PLCXD2: variants seen among roughly 807,000 people sequenced by gnomAD.
PLCXD2 encodes PI-PLC X domain-containing protein 2.
A neutral mutation model predicts 28.6 loss-of-function variants in PLCXD2; 21 were observed. That is an observed-to-expected ratio of 0.73 (90% CI 0.52 to 1.06). The LOEUF (loss-of-function observed/expected upper bound fraction) is 1.06, where lower values mean the gene tolerates loss of function less well. Among genes scored for constraint, PLCXD2 ranks in the 50% least tolerant of loss-of-function variants. The pLI is 0.00. For missense variants in PLCXD2, 369 were observed against 376.7 expected, an observed-to-expected ratio of 0.98 and a Z score of 0.17; for synonymous variants, 140 against 150.1, an observed-to-expected ratio of 0.93 and a Z score of 0.49.
chr3:111,712,357 C>A (rs1276986324), intron 2 of PLCXD2, among the ~76,000 whole-genome samples: 1 of 152,196 alleles, frequency 6.6e-6, no homozygotes, highest in African/African-American at 2.4e-5. Flanking sequence ...TGCACCGCCT[C>A]CCACCTCTCC....
intron 1 of PLCXD2, among the ~76,000 whole-genome samples, chr3:111,679,929 C>T (rs1940687124): frequency 6.6e-6 from 1 of 152,090 alleles, no homozygotes; most frequent in Admixed American, 6.5e-5. Context: ...ATTTCTTGTT[C>T]CCCTCTTTGC....
At chr3:111,706,912 C>T (rs1941127705) in intron 1 of PLCXD2, among the ~76,000 whole-genome samples, 2 of 151,646 alleles carry the variant, frequency 1.3e-5, no homozygotes, top group South Asian at 2.1e-4. Context: ...ATTTATACAC[C>T]TAACACCAGA....
chr3:111,693,917 A>T (rs547928300), intron 1 of PLCXD2, among the ~76,000 whole-genome samples: 1 of 152,344 alleles, frequency 6.6e-6, no homozygotes, highest in African/African-American at 2.4e-5. Context: ...AGGTCCACAG[A>T]GCAGAGCCCC....
chr3:111,701,811 G>A (rs889217803), intron 1 of PLCXD2, among the ~76,000 whole-genome samples: 9 of 152,014 alleles, frequency 5.9e-5, no homozygotes, highest in Admixed American at 6.6e-5. Context: ...AAATGAAGAC[G>A]GTGAGAGAGA....
Position 111,675,066 on chromosome 3 carries a change from T to G in PLCXD2, c.-180T>G. The G allele has an allele frequency of 1.6e-6, 1 of 636,598 alleles. No homozygotes were observed. The allele number at this position is 636,598 out of a possible 1,614,324, so 39.4% of individuals were successfully genotyped here. Reference sequence around the variant, plus strand: ...GGAGCGGAGGCTGGGCCGGAGAGAGTGGGGACTGTGAGTGCTAGTGGGTAA... The same window carrying G: ...GGAGCGGAGGCTGGGCCGGAGAGAGGGGGGACTGTGAGTGCTAGTGGGTAA... On this transcript the variant is annotated 5_prime_UTR_variant, in exon 1 of 5. Transcript: ENST00000477665.
At chr3:111,719,462 C>A (rs996408353) in intron 3 of PLCXD2, among the ~76,000 whole-genome samples, 1 of 151,898 alleles carries the variant, frequency 6.6e-6, no homozygotes, top group Non-Finnish European at 1.5e-5. Flanking sequence ...TCATAATATC[C>A]AAAAAACTGG....
At chr3:111,705,577 A>AC (rs373105799) in intron 1 of PLCXD2, among the ~76,000 whole-genome samples, 356 of 151,568 alleles carry the variant, frequency 2.3e-3, no homozygotes, top group African/African-American at 8.2e-3. Context: ...TTTTTTCAGC[A>AC]CCCCCCATAC....
At chr3:111,697,122 CTATAACT>C (rs1036789633) in intron 1 of PLCXD2, among the ~76,000 whole-genome samples, 7 of 152,020 alleles carry the variant, frequency 4.6e-5, no homozygotes, top group Non-Finnish European at 1.0e-4. Context: ...CAAACATTTG[CTATAACT>C]TATAAGATTT....
At chr3:111,680,183 G>A (rs1940691062) in intron 1 of PLCXD2, among the ~76,000 whole-genome samples, 1 of 152,112 alleles carries the variant, frequency 6.6e-6, no homozygotes, top group Non-Finnish European at 1.5e-5. Context: ...TCCCACATGT[G>A]TGACATGGAG....
At chr3:111,725,166 G>A (rs1166279699) in intron 3 of PLCXD2, 1 of 152,860 alleles carries the variant, frequency 6.5e-6, no homozygotes, top group East Asian at 1.9e-4. Context: ...ACTCTTGAGA[G>A]GTGGGCTTTC....
chr3:111,694,329 G>A (rs1303110297), intron 1 of PLCXD2, among the ~76,000 whole-genome samples: 1 of 152,162 alleles, frequency 6.6e-6, no homozygotes, highest in Non-Finnish European at 1.5e-5. Flanking sequence ...GATGAATATT[G>A]CAGTTGGTGC....
intron 3 of PLCXD2, chr3:111,724,524 C>G (rs1388284243): frequency 6.6e-6 from 1 of 152,142 alleles, no homozygotes; most frequent in Non-Finnish European, 1.5e-5. Flanking sequence ...GCGGGACTTT[C>G]CATCTCTCGT....
rs1431314259 is a variant in PLCXD2, at chr3:111,702,664, A to AGAATGCATGG, written c.164-5262_164-5261insGAATGCATGG. Among the ~76,000 whole-genome samples the AGAATGCATGG allele has an allele frequency of 2.5e-3, 379 of 152,276 alleles. 2 individuals are homozygous for AGAATGCATGG. Among genetic ancestry groups the AGAATGCATGG allele is most frequent in the African/African-American group, 8.6e-3 (357 of 41,562 alleles). ...CTGTTTGCTGACCTTATCATAAAAT[A>AGAATGCATGG]AACTGCTATCCCTACCAATTCCCAA... On this transcript the variant is annotated intron_variant, in intron 1 of 4. Coordinates refer to ENST00000477665, the MANE Select transcript of PLCXD2 (RefSeq NM_001185106.1).
At chr3:111,698,309 G>C (rs956620892) in intron 1 of PLCXD2, among the ~76,000 whole-genome samples, 10 of 152,150 alleles carry the variant, frequency 6.6e-5, no homozygotes, top group African/African-American at 9.7e-5. Context: ...CTGAGGCCCA[G>C]CATTTTATTC....
chr3:111,721,670 G>A (rs1409220223), intron 3 of PLCXD2: 2 of 152,184 alleles, frequency 1.3e-5, no homozygotes, highest in Admixed American at 6.5e-5. Context: ...CATGTTTGCT[G>A]CATGCCAGAT....
chr3:111,700,107 C>G (rs905022746), intron 1 of PLCXD2, among the ~76,000 whole-genome samples: 1 of 152,160 alleles, frequency 6.6e-6, no homozygotes, highest in East Asian at 1.9e-4. Context: ...GAGATTTTGA[C>G]TTAGAAGGTT....
In PLCXD2 at chr3:111,675,499, AAATT is replaced by A. The variant is rs1940608071; in HGVS notation, c.163+96_163+99del. The A allele has an allele frequency of 1.2e-5, 17 of 1,466,396 alleles. No homozygotes were observed. In the South Asian group the frequency reaches 1.7e-4, roughly 15 times the overall value. 90.8% of individuals were successfully genotyped at this position (1,466,396 alleles called of 1,614,324 possible). A position where few individuals can be genotyped will look rare whatever the true frequency, so the allele number is the denominator to read the frequency against. ...TGGGTTGCTTTTCTATTGTGCTGAG[AAATT>A]AATTGTCAGTGACCCCTTTTTATTT... is the stretch of plus-strand genomic sequence containing the variant. On this transcript the variant is annotated intron_variant, in intron 1 of 4. Transcript: ENST00000477665.
intron 3 of PLCXD2, chr3:111,721,441 C>T (rs1249349672): frequency 2.0e-5 from 3 of 152,178 alleles, no homozygotes; most frequent in African/African-American, 4.8e-5. Flanking sequence ...TCATTTATCA[C>T]TAAGATGTTT....
chr3:111,707,979 GACCAA>G lies in PLCXD2; in HGVS notation c.221_225del (p.Gln74ProfsTer39). On this transcript the variant is annotated frameshift_variant, in exon 2 of 5. Transcript: ENST00000477665. LOFTEE classifies it high-confidence loss of function. ...GGATGAAAAGTCCCCAGTGGGGCCTGACCAAACCCAAGCTATCAAACGCCTCGCCA... is the reference window on the plus strand; with the variant it reads ...GGATGAAAAGTCCCCAGTGGGGCCTGACCCAAGCTATCAAACGCCTCGCCA... The G allele has an allele frequency of 6.2e-7, 1 of 1,614,092 alleles. No individual in the cohort carries two copies. Among genetic ancestry groups the G allele is most frequent in the Non-Finnish European group, 8.5e-7 (1 of 1,180,012 alleles).
Sources: gnomAD v4.1 joint callset for allele counts (sites outside exome capture counted in the v4.1 genomes callset) on GRCh38, gnomAD v4.1.1 for gene constraint, MANE v1.5 for transcripts, NCBI Gene and HGNC (gene_info 2026-07-23, HGNC 2026-07-21) for gene names.